Variants in PDS5A observed in about 807,000 individuals in gnomAD.
PDS5A encodes PDS5 cohesin associated factor A.
A neutral mutation model predicts 167.1 loss-of-function variants in PDS5A; 42 were observed. The ratio of observed to expected loss-of-function variants is 0.25; its 90% CI spans 0.20 to 0.33. The LOEUF (loss-of-function observed/expected upper bound fraction) is 0.33, where lower values mean the gene tolerates loss of function less well. Ranked by LOEUF, PDS5A falls within the 10% of genes least tolerant of loss-of-function variation. The pLI is 1.00. For synonymous variants in PDS5A, 553 were observed against 554.6 expected (o/e 1.00, Z 0.04); for missense variants, 1,033 against 1,605.9 (o/e 0.64, Z 6.10).
intron 32 of PDS5A, among the ~76,000 whole-genome samples, chr4:39,836,377 G>T (rs1034521809): frequency 5.9e-5 from 9 of 152,194 alleles, no homozygotes; most frequent in Admixed American, 1.3e-4. Context: ...ATTGCCAAGA[G>T]GGCACTTAGA....
chr4:39,942,275 C>T (rs961500608), intron 2 of PDS5A, among the ~76,000 whole-genome samples: 2 of 152,108 alleles, frequency 1.3e-5, no homozygotes, highest in African/African-American at 4.8e-5. Flanking sequence ...TCATTATCTT[C>T]CAAAAATATC....
In PDS5A at chr4:39,848,947, C is replaced by A; in HGVS notation, c.3243G>T (p.Val1081=). ...TNEKLYTVCD[V]ALCVINSKSA... ...TTTTACTATTTATAACACAGAGAGCCACATCACATACTGTATACAGTTTCT... is the reference window on the plus strand; with the variant it reads ...TTTTACTATTTATAACACAGAGAGCAACATCACATACTGTATACAGTTTCT... Residue 1081 remains valine, a synonymous_variant, in exon 28 of 33, where the codon GTG becomes GTT. Transcript: ENST00000303538. 1 of 1,600,944 alleles carries A rather than the reference C, an allele frequency of 6.2e-7. No homozygotes were observed. Among genetic ancestry groups the A allele is most frequent in the Non-Finnish European group, 8.5e-7 (1 of 1,171,006 alleles).
rs6816167 is a variant in PDS5A, at chr4:39,832,449, G to A, written c.4010+5407C>T. On this transcript the variant is annotated intron_variant, in intron 32 of 32. Coordinates refer to ENST00000303538, the MANE Select transcript of PDS5A (RefSeq NM_001100399.2). Reference sequence around the variant, plus strand: ...AGGATGGTCTCGATCTCCTGACCTCGTGATCCACCCGCCTCCCAAAGTGCT... The same window carrying A: ...AGGATGGTCTCGATCTCCTGACCTCATGATCCACCCGCCTCCCAAAGTGCT... Among the ~76,000 whole-genome samples the A allele has an allele frequency of 4.5e-3, 677 of 152,004 alleles. 8 individuals carry two copies. Among genetic ancestry groups the A allele is most frequent in the African/African-American group, 0.015 (639 of 41,458 alleles).
At chr4:39,959,873 G>C (rs1055868279) in intron 2 of PDS5A, among the ~76,000 whole-genome samples, 1 of 151,934 alleles carries the variant, frequency 6.6e-6, no homozygotes, top group Admixed American at 6.6e-5. Flanking sequence ...AGCAGATCAT[G>C]AGGTCAGGAG....
intron 32 of PDS5A, among the ~76,000 whole-genome samples, chr4:39,835,208 G>A (rs575363811): frequency 6.6e-6 from 1 of 152,288 alleles, no homozygotes; most frequent in South Asian, 2.1e-4. Flanking sequence ...GCCTCCCAAA[G>A]TGCTGGGATT....
At chr4:39,878,626 T>TA (rs1459217260) in intron 18 of PDS5A, among the ~76,000 whole-genome samples, 1 of 152,048 alleles carries the variant, frequency 6.6e-6, no homozygotes, top group Non-Finnish European at 1.5e-5. Context: ...AGCAATCTAT[T>TA]AAAAAATGTT....
At chr4:39,826,473 T>TTTATTTATTTATTTA (rs1715328119) in intron 32 of PDS5A, among the ~76,000 whole-genome samples, 2 of 143,714 alleles carry the variant, frequency 1.4e-5, no homozygotes, top group Non-Finnish European at 3.0e-5. Flanking sequence ...CATTCCACAT[T>TTTATTTATTTATTTA]TTTATTTATT....
chr4:39,863,023 T>C lies in PDS5A; in HGVS notation c.2817A>G (p.Ala939=). ...CCAATGGGAGCAGTAACTTCACAAG[T>C]GCCTTATGCAGCTTCTGAGCAAATA... ...RQIFAQKLHK[A]LVKLLLPLEY... Residue 939 remains alanine (A), a synonymous_variant, in exon 25 of 33, where the codon GCA becomes GCG. Transcript: ENST00000303538. 4.3e-6 allele frequency: 7 copies of C among 1,613,746 alleles called. No individual in the cohort carries two copies. Among genetic ancestry groups the C allele is most frequent in the Non-Finnish European group, 5.9e-6 (7 of 1,179,714 alleles).
At chr4:39,941,118 C>T (rs566625461) in intron 2 of PDS5A, among the ~76,000 whole-genome samples, 1 of 152,168 alleles carries the variant, frequency 6.6e-6, no homozygotes, top group East Asian at 1.9e-4. Flanking sequence ...CGTAGTTTTA[C>T]TTTTCTCCAA....
rs543374011 is a variant in PDS5A, at chr4:39,888,094, C to T, written c.1886+2155G>A. On this transcript the variant is annotated intron_variant, in intron 17 of 32. Transcript: ENST00000303538. ...GTGAAACCCGGTCTCTACTAAAAAA[C>T]AAAAATTAGCTGGGCATGGTGGCAT... 2.7e-4 allele frequency among the ~76,000 whole-genome samples: 41 copies of T among 151,896 alleles called. No homozygotes were observed. In the South Asian group the frequency reaches 8.5e-3, roughly 32 times the overall value.
intron 8 of PDS5A, among the ~76,000 whole-genome samples, chr4:39,914,798 A>AT (rs916891141): frequency 3.0e-4 from 46 of 152,050 alleles, no homozygotes; most frequent in African/African-American, 1.1e-3. Context: ...GCAACTGCTA[A>AT]TTTTTTTTAG....
rs1477053157 is a variant in PDS5A, at chr4:39,977,156, C to A, written c.-41+301G>T. ...GTCCCCGCCGCGCTGCCACCCCTCC[C>A]CTGTTCCGCTCCCTCACCCCCGCGG... is the stretch of plus-strand genomic sequence containing the variant. On this transcript the variant is annotated intron_variant, in intron 1 of 32. Transcript: ENST00000303538. This position sits in a 1 kb window ranked among gnomAD's most constrained non-coding sequence, Gnocchi z 4.2. Among the ~76,000 whole-genome samples the A allele has an allele frequency of 6.6e-6, 1 of 152,162 alleles. No homozygotes were observed. Among genetic ancestry groups the A allele is most frequent in the Non-Finnish European group, 1.5e-5 (1 of 67,990 alleles).
chr4:39,874,212 C>G, intron 20 of PDS5A, 77 bp downstream of exon 20: 1 of 1,255,904 alleles, frequency 8.0e-7, no homozygotes, highest in Non-Finnish European at 1.1e-6. Flanking sequence ...TTTAAAAAAT[C>G]TAGCTTCCAT....
chr4:39,894,270 T>A (rs1035109952), intron 16 of PDS5A, among the ~76,000 whole-genome samples: 4 of 152,052 alleles, frequency 2.6e-5, no homozygotes, highest in African/African-American at 9.7e-5. Context: ...TAGTCAGGCA[T>A]GATGGCGCAT....
At chr4:39,912,057 A>G (rs946464501) in intron 9 of PDS5A, among the ~76,000 whole-genome samples, 1 of 152,172 alleles carries the variant, frequency 6.6e-6, no homozygotes, top group Non-Finnish European at 1.5e-5. Flanking sequence ...CCACTTTCTT[A>G]CCCAGATAAA....
chr4:39,878,949 G>A (rs140333144), intron 18 of PDS5A, among the ~76,000 whole-genome samples: 7 of 152,140 alleles, frequency 4.6e-5, no homozygotes, highest in African/African-American at 1.4e-4. Flanking sequence ...TCCCCATGTT[G>A]GCCAGGATGG....
rs975485356 is a variant in PDS5A, at chr4:39,920,598, T to C, written c.655-199A>G. Among the ~76,000 whole-genome samples the C allele has an allele frequency of 2.6e-5, 4 of 152,236 alleles. No individual in the cohort carries two copies. The South Asian group carries it at 8.3e-4, about 31-fold the overall frequency. Reference sequence around the variant, plus strand: ...AGTCAAGTGATCTTAAATGCAGACGTTGCAAATCGAACTAATTTATTAATC... The same window carrying C: ...AGTCAAGTGATCTTAAATGCAGACGCTGCAAATCGAACTAATTTATTAATC... On this transcript the variant is annotated intron_variant, in intron 6 of 32. Transcript: ENST00000303538.
intron 17 of PDS5A, among the ~76,000 whole-genome samples, chr4:39,887,654 G>A (rs1205299531): frequency 6.6e-6 from 1 of 152,110 alleles, no homozygotes; most frequent in Non-Finnish European, 1.5e-5. Flanking sequence ...TAAAGACAGT[G>A]ATCTGAGCCA....
chr4:39,833,191 C>CAAAAAAAAAAAA lies in PDS5A; in HGVS notation c.4010+4653_4010+4664dup, dbSNP rs1166233113. Among the ~76,000 whole-genome samples, 77 of 37,892 alleles carry CAAAAAAAAAAAA rather than the reference C, an allele frequency of 2.0e-3. 1 individual carries two copies. Among genetic ancestry groups the CAAAAAAAAAAAA allele is most frequent in the East Asian group, 3.4e-3 (3 of 886 alleles). 24.9% of individuals were successfully genotyped at this position (37,892 alleles called of 152,430 possible). ...GGGCCACAAGAGTGAAACTCCGTCT[C>CAAAAAAAAAAAA]AAAAAAAAAAAAAAAAAAAAAAAAA... is the stretch of plus-strand genomic sequence containing the variant. On this transcript the variant is annotated intron_variant, in intron 32 of 32. Transcript: ENST00000303538.
Sources: allele counts gnomAD v4.1 joint callset (sites outside exome capture counted in the v4.1 genomes callset), GRCh38; gene constraint gnomAD v4.1.1; non-coding constraint Gnocchi (gnomAD v3.1); transcripts MANE v1.5; gene names NCBI Gene and HGNC (gene_info 2026-07-23, HGNC 2026-07-21).